Variants in TIAM1 observed in about 807,000 individuals in gnomAD.
The protein encoded by TIAM1 is rho guanine nucleotide exchange factor TIAM1.
Under a neutral mutation model 163.5 loss-of-function variants are expected in TIAM1, and 65 were observed. The observed-to-expected ratio is 0.40, with a 90% confidence interval of 0.33 to 0.49. The LOEUF is 0.49. TIAM1 is among the 20% of genes least tolerant of loss of function. The pLI is 0.77. For missense variants in TIAM1, 1,789 were observed against 2,044.7 expected, an observed-to-expected ratio of 0.87 and a Z score of 2.41; for synonymous variants, 833 against 810.1, an observed-to-expected ratio of 1.03 and a Z score of -0.48.
intron 4 of TIAM1, among the ~76,000 whole-genome samples, chr21:31,259,366 A>G (rs945339956): frequency 2.0e-5 from 3 of 151,910 alleles, no homozygotes; most frequent in Non-Finnish European, 4.4e-5. Flanking sequence ...TGAACTCCTG[A>G]GCTCAAGCGA....
intron 2 of TIAM1, among the ~76,000 whole-genome samples, chr21:31,462,181 T>G (rs1303699262): frequency 6.6e-6 from 1 of 152,242 alleles, no homozygotes; most frequent in Non-Finnish European, 1.5e-5. Context: ...ATAGGCCATA[T>G]TTCACAACTA....
chr21:31,440,513 T>C (rs1459862051), intron 2 of TIAM1, among the ~76,000 whole-genome samples: 2 of 152,218 alleles, frequency 1.3e-5, no homozygotes, highest in Admixed American at 1.3e-4. Context: ...ATACAGATGC[T>C]ATCAGGGTTG....
chr21:31,135,789 G>A (rs2082597647), intron 23 of TIAM1, 144 bp downstream of exon 23: 1 of 726,900 alleles, frequency 1.4e-6, no homozygotes, highest in Non-Finnish European at 2.3e-6. Flanking sequence ...TTTGTGAGAT[G>A]TTGGTGGCTA....
chr21:31,412,389 A>T (rs567821714), intron 2 of TIAM1, among the ~76,000 whole-genome samples: 38 of 151,794 alleles, frequency 2.5e-4, no homozygotes, highest in African/African-American at 9.2e-4. Context: ...GGCACCAGGG[A>T]CCGGTTTCAT....
chr21:31,148,346 G>A (rs1460999952), intron 19 of TIAM1, among the ~76,000 whole-genome samples: 1 of 152,140 alleles, frequency 6.6e-6, no homozygotes, highest in Non-Finnish European at 1.5e-5. Context: ...TAAGTCTCAG[G>A]AGATCTGATG....
rs1237605355 is a variant in TIAM1 at position 31,339,437 on chromosome 21, T to G, written c.-368-15A>C. The G allele has an allele frequency of 2.5e-6, 1 of 398,202 alleles. No individual in the cohort carries two copies. Among genetic ancestry groups the G allele is most frequent in the African/African-American group, 2.1e-5 (1 of 48,380 alleles). The allele number at this position is 398,202 out of a possible 1,614,324, so 24.7% of individuals were successfully genotyped here. On this transcript the variant is annotated splice_polypyrimidine_tract_variant and intron_variant, in intron 1 of 27. Coordinates refer to ENST00000541036, the MANE Select transcript of TIAM1 (RefSeq NM_001353694.2). ...AGTGATTCTACCTATAAGAGCAACA[T>G]AAGAAAATAATGGGTTTTGTGCTTC...
intron 2 of TIAM1, among the ~76,000 whole-genome samples, chr21:31,430,226 ATATATAT>A (rs1297329905): frequency 1.3e-3 from 88 of 68,216 alleles, no homozygotes; most frequent in African/African-American, 3.3e-3. Context: ...AAAAAAAAAA[ATATATAT>A]ATATATATAT....
chr21:31,503,642 C>CTTGCT (rs566039264), intron 1 of TIAM1, among the ~76,000 whole-genome samples: 3 of 40,420 alleles, frequency 7.4e-5, no homozygotes, highest in Non-Finnish European at 1.4e-4. Flanking sequence ...CCAAAATACA[C>CTTGCT]TTGCTTTTTC....
At chr21:31,555,983 A>C (rs9941852) in intron 1 of TIAM1, among the ~76,000 whole-genome samples, 16,288 of 152,012 alleles carry the variant, frequency 0.11, 1,061 homozygotes, top group Admixed American at 0.19. Flanking sequence ...AGCAAGGAGA[A>C]AGAACTGCAA....
chr21:31,489,669 A>G (rs2046401431), intron 1 of TIAM1, among the ~76,000 whole-genome samples: 1 of 122,922 alleles, frequency 8.1e-6, no homozygotes, highest in Non-Finnish European at 1.7e-5. Flanking sequence ...TCAGGAAGCC[A>G]CGCTCACAGC....
chr21:31,167,284 G>C (rs1043481119), intron 15 of TIAM1, among the ~76,000 whole-genome samples: 2 of 151,834 alleles, frequency 1.3e-5, no homozygotes, highest in African/African-American at 4.8e-5. Context: ...TAGAGACAGG[G>C]TTTCACCATG....
chr21:31,277,372 G>A (rs752448899), intron 2 of TIAM1, among the ~76,000 whole-genome samples: 26 of 152,334 alleles, frequency 1.7e-4, no homozygotes, highest in African/African-American at 4.3e-4. Context: ...TGGGCTGGGC[G>A]TGGTGGCTCA....
At chr21:31,455,060 C>G (rs2045036842) in intron 2 of TIAM1, among the ~76,000 whole-genome samples, 2 of 152,156 alleles carry the variant, frequency 1.3e-5, no homozygotes, top group Non-Finnish European at 1.5e-5. Context: ...AGGGGTAGAT[C>G]ACCTGAGGTC....
At chr21:31,282,513 C>T (rs933815932) in intron 2 of TIAM1, among the ~76,000 whole-genome samples, 1 of 152,178 alleles carries the variant, frequency 6.6e-6, no homozygotes, top group Non-Finnish European at 1.5e-5. Flanking sequence ...TGGCTCACAG[C>T]TGATTGTAGC....
Position 31,182,462 on chromosome 21 carries a change from T to C in TIAM1, c.2846A>G (p.Asp949Gly). The stretch of plus-strand genomic sequence containing the variant: ...AAAGGCGAGGGGGCTCTCGCCAAGG[T>C]CGGCAGGGCCGTCCACTCGGTGGGG... ...SPPHRVDGPADLGESPLAFLT... is the reference protein window; with the variant it reads ...SPPHRVDGPAGLGESPLAFLT... Residue 949 changes from aspartate (D) to glycine (G), a missense_variant, in exon 15 of 28, where the codon GAC (aspartate) becomes GGC (glycine). Physicochemically the swap from Asp to Gly is moderately conservative, Grantham distance 94. Around this residue, in one of 5 missense-constraint regions of TIAM1, gnomAD observed 303 missense variants for 321.3 expected, o/e 0.94. Coordinates refer to ENST00000541036, the MANE Select transcript of TIAM1 (RefSeq NM_001353694.2). 6.2e-7 allele frequency: 1 copy of C among 1,602,588 alleles called. No homozygotes were observed. The highest frequency in any genetic ancestry group is 8.5e-7 in the Non-Finnish European group (1 of 1,174,910).
intron 1 of TIAM1, among the ~76,000 whole-genome samples, chr21:31,532,381 C>G (rs1253778826): frequency 6.6e-6 from 1 of 152,184 alleles, no homozygotes; most frequent in Non-Finnish European, 1.5e-5. Context: ...TGAGCCTCCC[C>G]CTCCGATGCT....
chr21:31,121,072 C>T (rs935818002), intron 27 of TIAM1, among the ~76,000 whole-genome samples: 5 of 152,072 alleles, frequency 3.3e-5, no homozygotes, highest in Admixed American at 2.6e-4. Flanking sequence ...AAGGGGGAAC[C>T]GGGGCACACA....
At chr21:31,486,536 T>G (rs891335835) in intron 1 of TIAM1, among the ~76,000 whole-genome samples, 1 of 152,260 alleles carries the variant, frequency 6.6e-6, no homozygotes, top group Non-Finnish European at 1.5e-5. Flanking sequence ...ACAAATATTA[T>G]GTGCCCTGAG....
At chr21:31,281,765 T>C (rs972852795) in intron 2 of TIAM1, among the ~76,000 whole-genome samples, 14 of 151,926 alleles carry the variant, frequency 9.2e-5, no homozygotes, top group African/African-American at 3.4e-4. Context: ...GATGGATGGA[T>C]GGGTGGTGGA....
Sources: gnomAD v4.1 joint callset for allele counts (sites outside exome capture counted in the v4.1 genomes callset) on GRCh38, gnomAD v4.1.1 for gene constraint, gnomAD v4.1.1 regional missense constraint, MANE v1.5 for transcripts, NCBI Gene and HGNC (gene_info 2026-07-23, HGNC 2026-07-21) for gene names.